PNPLA8: variants seen among roughly 807,000 people sequenced by gnomAD.
PNPLA8 encodes patatin like domain 8, phospholipase A2, also known as calcium-independent phospholipase A2-gamma.
A neutral mutation model predicts 76.9 loss-of-function variants in PNPLA8; 39 were observed. The ratio of observed to expected loss-of-function variants is 0.51; its 90% CI spans 0.39 to 0.66. The LOEUF (loss-of-function observed/expected upper bound fraction) is 0.66. PNPLA8 is among the 30% of genes least tolerant of loss of function. The pLI, the probability that PNPLA8 is intolerant of heterozygous loss-of-function variation, is 0.00. For missense variants in PNPLA8, 887 were observed against 918.0 expected (o/e 0.97, Z 0.44); for synonymous variants, 301 against 307.9 (o/e 0.98, Z 0.24).
chr7:108,519,483 TGA>T (rs1863588129), intron 2 of PNPLA8, among the ~76,000 whole-genome samples: 1 of 152,068 alleles, frequency 6.6e-6, no homozygotes, highest in South Asian at 2.1e-4. Context: ...CTAGAGAGAT[TGA>T]GAGAGAGGTA....
intron 5 of PNPLA8, among the ~76,000 whole-genome samples, chr7:108,500,611 T>C (rs1188076261): frequency 6.6e-6 from 1 of 152,072 alleles, no homozygotes; most frequent in Non-Finnish European, 1.5e-5. Context: ...TGTCTCCGAG[T>C]TTCTTAAAAG....
At chr7:108,522,313 GAA>G (rs575678172) in intron 1 of PNPLA8, among the ~76,000 whole-genome samples, 2 of 138,330 alleles carry the variant, frequency 1.4e-5, no homozygotes, top group African/African-American at 5.3e-5. Context: ...AACAAAAAAA[GAA>G]AAAAAAAAAA....
intron 4 of PNPLA8, chr7:108,511,113 A>T: frequency 1.6e-6 from 1 of 608,288 alleles, no homozygotes; most frequent in Non-Finnish European, 2.8e-6. Context: ...CCTTTCCTGT[A>T]AAATTTGTAA....
intron 10 of PNPLA8, among the ~76,000 whole-genome samples, chr7:108,473,640 AATT>A (rs1332514588): frequency 6.6e-6 from 1 of 152,154 alleles, no homozygotes; most frequent in African/African-American, 2.4e-5. Context: ...CCTAATGACT[AATT>A]ATGTTGAGAA....
chr7:108,503,954 C>A (rs1323013406), intron 4 of PNPLA8, among the ~76,000 whole-genome samples: 2 of 152,120 alleles, frequency 1.3e-5, no homozygotes. Context: ...GTGTGGAAGG[C>A]AAAAGGTAAG....
chr7:108,510,395 C>T lies in PNPLA8; in HGVS notation c.1206+3749G>A, dbSNP rs574071062. On this transcript the variant is annotated intron_variant, in intron 4 of 10. Coordinates refer to ENST00000257694, the MANE Select transcript of PNPLA8 (RefSeq NM_001256007.3). ...GAAGCTTATCTATGAAAAAGCAAAG[C>T]ACTATCACAGGGAATATAGGCAGAT... is the stretch of plus-strand genomic sequence containing the variant. The T allele has an allele frequency of 2.6e-6, 4 of 1,545,622 alleles. No individual in the cohort carries two copies. The South Asian group carries it at 3.3e-5, about 13-fold the overall frequency.
At chr7:108,500,495 A>G (rs1861855831) in intron 5 of PNPLA8, among the ~76,000 whole-genome samples, 2 of 152,370 alleles carry the variant, frequency 1.3e-5, no homozygotes. Flanking sequence ...TGTTCAAGAA[A>G]GAACTGTCTT....
chr7:108,488,959 T>G (rs1860945457), intron 8 of PNPLA8, among the ~76,000 whole-genome samples: 1 of 152,230 alleles, frequency 6.6e-6, no homozygotes, highest in Non-Finnish European at 1.5e-5. Flanking sequence ...CAAATTCCTG[T>G]GAGTAATCCA....
chr7:108,526,543 C>T (rs116845068), upstream of PNPLA8, among the ~76,000 whole-genome samples: 756 of 152,318 alleles, frequency 5.0e-3, 2 homozygotes, highest in Non-Finnish European at 8.7e-3. Context: ...CCTCCCTCTC[C>T]GCGTCCCTGA....
At chr7:108,495,076 T>C (rs1372370168) in intron 7 of PNPLA8, among the ~76,000 whole-genome samples, 1 of 152,134 alleles carries the variant, frequency 6.6e-6, no homozygotes, top group African/African-American at 2.4e-5. Flanking sequence ...CACAAATATT[T>C]CATGAAATAG....
chr7:108,498,463 C>CAGGGT (rs1379050718), intron 5 of PNPLA8, among the ~76,000 whole-genome samples: 2 of 149,704 alleles, frequency 1.3e-5, no homozygotes, highest in Non-Finnish European at 3.0e-5. Context: ...TTAGTAGAGA[C>CAGGGT]AGGGTTTCAC....
chr7:108,491,447 A>G lies in PNPLA8; in HGVS notation c.1646T>C (p.Leu549Pro), dbSNP rs780778038. 3.1e-6 allele frequency: 5 copies of G among 1,605,640 alleles called. No individual in the cohort carries two copies. Among genetic ancestry groups the G allele is most frequent in the Non-Finnish European group, 4.3e-6 (5 of 1,172,230 alleles). Residue 549 changes from leucine to proline, a missense_variant, in exon 8 of 11, where the codon CTG (leucine) becomes CCG (proline). Leu to Pro is a moderately conservative substitution (Grantham distance 98). Coordinates refer to ENST00000257694, the MANE Select transcript of PNPLA8 (RefSeq NM_001256007.3). ...GGGGTTTCTTGCTGTTTCAATCATC[A>G]GTGCAGATCCCATCCTATCCCTTTA... Reference protein sequence around the residue: ...NILKDRMGSALMIETARNPTC... With the variant: ...NILKDRMGSAPMIETARNPTC...
chr7:108,515,188 A>G lies in PNPLA8; in HGVS notation c.304T>C (p.Ser102Pro). 1 of 1,606,154 alleles carries G rather than the reference A, an allele frequency of 6.2e-7. No individual in the cohort carries two copies. The highest frequency in any genetic ancestry group is 8.5e-7 in the Non-Finnish European group (1 of 1,174,858). ...KGLTKVNICM[S>P]RIKSTLNSVS... The stretch of plus-strand genomic sequence containing the variant: ...GAGTTCAAAGTACTTTTAATACGGG[A>G]CATACAAATGTTCACTTTTGTAAGT... The change falls in exon 3 of 11, where the codon TCC (serine) becomes CCC (proline). Residue 102 changes from serine (S) to proline (P), a missense_variant. Physicochemically the swap from Ser to Pro is moderately conservative, Grantham distance 74. Coordinates refer to ENST00000257694, the MANE Select transcript of PNPLA8 (RefSeq NM_001256007.3).
At position 108,514,646 on chromosome 7, in the gene PNPLA8, T is replaced by C; in HGVS notation, c.846A>G (p.Ser282=). The change falls in exon 3 of 11, where the codon TCA becomes TCG. Residue 282 remains serine, a synonymous_variant. Transcript: ENST00000257694. The part of the protein sequence containing the change: ...PSAIPDVLQV[S]TKQSIANFLS... ...GAAAGTTAGCAATACTTTGTTTAGT[T>C]GAAACTTGAAGAACATCAGGTATCG... 6.2e-7 allele frequency: 1 copy of C among 1,613,950 alleles called. No individual in the cohort carries two copies. Among genetic ancestry groups the C allele is most frequent in the Non-Finnish European group, 8.5e-7 (1 of 1,179,840 alleles).
At chr7:108,512,163 G>C (rs1862981362) in intron 4 of PNPLA8, among the ~76,000 whole-genome samples, 3 of 152,138 alleles carry the variant, frequency 2.0e-5, no homozygotes, top group African/African-American at 7.2e-5. Context: ...AGTTAACTTT[G>C]CATGAGCCAG....
rs113677217 is a variant in PNPLA8, at chr7:108,472,390, G to T, written c.*11C>A. On this transcript the variant is annotated 3_prime_UTR_variant, in exon 11 of 11. Transcript: ENST00000257694. ...CAGACCTTCATTTATGAGAACATAA[G>T]CATATACTCATCACAATTTTGAAAA... 2 of 1,528,238 alleles carry T rather than the reference G, an allele frequency of 1.3e-6. No homozygotes were observed. The highest frequency in any genetic ancestry group is 1.8e-6 in the Non-Finnish European group (2 of 1,125,502). The allele number at this position is 1,528,238 out of a possible 1,614,324, so 94.7% of individuals were successfully genotyped here.
rs6466238 is a variant in PNPLA8, at chr7:108,471,122, G to T, written c.*1279C>A. The T allele has an allele frequency of 6.6e-6, 1 of 151,526 alleles. No homozygotes were observed. The highest frequency in any genetic ancestry group is 1.5e-5 in the Non-Finnish European group (1 of 67,944). The allele number at this position is 151,526 out of a possible 1,614,324, so 9.4% of individuals were successfully genotyped here. Reference sequence around the variant, plus strand: ...CAATAAAGATGAGTTTGTTTGGCATGAACAATGTTCCATGTAAGTGCATCT... The same window carrying T: ...CAATAAAGATGAGTTTGTTTGGCATTAACAATGTTCCATGTAAGTGCATCT... On this transcript the variant is annotated 3_prime_UTR_variant, in exon 11 of 11. Transcript: ENST00000257694.
intron 5 of PNPLA8, among the ~76,000 whole-genome samples, chr7:108,498,351 G>A (rs568154628): frequency 3.3e-5 from 5 of 151,338 alleles, no homozygotes; most frequent in East Asian, 1.9e-4. Flanking sequence ...TGCAACCTCC[G>A]CCTCCTGGGT....
At chr7:108,477,433 G>C (rs757121753) in intron 10 of PNPLA8, among the ~76,000 whole-genome samples, 3 of 152,124 alleles carry the variant, frequency 2.0e-5, no homozygotes, top group Non-Finnish European at 2.9e-5. Context: ...TTATGTTAAT[G>C]ACTTGGCCAA....
Sources: allele counts gnomAD v4.1 joint callset (sites outside exome capture counted in the v4.1 genomes callset), GRCh38; gene constraint gnomAD v4.1.1; transcripts MANE v1.5; gene names NCBI Gene and HGNC (gene_info 2026-07-23, HGNC 2026-07-21).